ADAMTS18: variants seen among roughly 807,000 people sequenced by gnomAD.
ADAMTS18 encodes the protein ADAM metallopeptidase with thrombospondin type 1 motif 18, also known as A disintegrin and metalloproteinase with thrombospondin motifs 18.
A neutral mutation model predicts 165.9 loss-of-function variants in ADAMTS18; 157 were observed. That is an observed-to-expected ratio of 0.95 (90% CI 0.83 to 1.08). ADAMTS18 has a LOEUF of 1.08. ADAMTS18 is among the 50% of genes least tolerant of loss of function. The pLI is 0.00. For synonymous variants in ADAMTS18, 782 were observed against 578.2 expected, an observed-to-expected ratio of 1.35 and a Z score of -5.06; for missense variants, 2,040 against 1,534.0, an observed-to-expected ratio of 1.33 and a Z score of -5.51.
At chr16:77,315,565 T>A (rs2055872212) in intron 16 of ADAMTS18, among the ~76,000 whole-genome samples, 1 of 152,170 alleles carries the variant, frequency 6.6e-6, no homozygotes. Flanking sequence ...TGCATCTATA[T>A]ACAAATTCCA....
At chr16:77,320,152 T>A in intron 15 of ADAMTS18, 59 bp from the exon 16 acceptor site, 2 of 1,604,840 alleles carry the variant, frequency 1.2e-6, no homozygotes, top group Non-Finnish European at 1.7e-6. Context: ...GAAAAGGGAC[T>A]AGAAATGGCC....
intron 12 of ADAMTS18, among the ~76,000 whole-genome samples, chr16:77,328,596 A>G (rs1312078243): frequency 6.6e-6 from 1 of 152,226 alleles, no homozygotes; most frequent in African/African-American, 2.4e-5. Flanking sequence ...AAATCCCTGA[A>G]GACTTCTTAA....
intron 3 of ADAMTS18, among the ~76,000 whole-genome samples, chr16:77,403,582 T>C (rs1044557776): frequency 6.6e-6 from 1 of 152,236 alleles, no homozygotes; most frequent in African/African-American, 2.4e-5. Flanking sequence ...TGAATATCTC[T>C]GCCCCTCTGC....
At chr16:77,405,306 C>T (rs946057795) in intron 3 of ADAMTS18, among the ~76,000 whole-genome samples, 1 of 152,170 alleles carries the variant, frequency 6.6e-6, no homozygotes, top group African/African-American at 2.4e-5. Context: ...TTCAATACCT[C>T]GAGCACCTTT....
chr16:77,409,791 T>C (rs915818817), intron 3 of ADAMTS18, among the ~76,000 whole-genome samples: 4 of 152,166 alleles, frequency 2.6e-5, no homozygotes, highest in South Asian at 2.1e-4. Flanking sequence ...AAATGCTTAA[T>C]AGAAATCTTT....
At chr16:77,399,500 G>A (rs1013075949) in intron 3 of ADAMTS18, among the ~76,000 whole-genome samples, 1 of 152,166 alleles carries the variant, frequency 6.6e-6, no homozygotes, top group Non-Finnish European at 1.5e-5. Flanking sequence ...CCCTACCCTA[G>A]AAGATAAAAC....
At chr16:77,290,890 G>T (rs189509400) in intron 21 of ADAMTS18, 3 of 344,778 alleles carry the variant, frequency 8.7e-6, no homozygotes, top group Non-Finnish European at 1.7e-5. Flanking sequence ...GAAACATGAT[G>T]TAAGAACCAA....
At position 77,299,570 on chromosome 16, in the gene ADAMTS18, A is replaced by G. The variant is rs556721113; in HGVS notation, c.2674+693T>C. On this transcript the variant is annotated intron_variant, in intron 17 of 22. Transcript: ENST00000282849. ...GGTGCTCTGAATAATAGGAAATGAG[A>G]GACCAACATTCATGCTGTGGTTTCA... Among the ~76,000 whole-genome samples the G allele has an allele frequency of 2.7e-4, 41 of 152,322 alleles. No homozygotes were observed. The South Asian group carries it at 8.5e-3, about 32-fold the overall frequency.
At position 77,300,334 on chromosome 16, in the gene ADAMTS18, G is replaced by T. The variant is rs775836048; in HGVS notation, c.2603C>A (p.Pro868Gln). 1.2e-6 allele frequency: 2 copies of T among 1,614,030 alleles called. No individual in the cohort carries two copies. The highest frequency in any genetic ancestry group is 3.3e-5 in the Admixed American group (2 of 60,018). Reference protein sequence around the residue: ...YALPKVMNGTPPATKRPAYTW... With the variant: ...YALPKVMNGTQPATKRPAYTW... ...ATAGGCAGGTCTTTTTGTGGCTGGT[G>T]GAGTTCCATTCATGACCTTGGGAAG... The change falls in exon 17 of 23, where the codon CCA (proline) becomes CAA (glutamine). Residue 868 changes from proline (P) to glutamine (Q), a missense_variant. Pro to Gln is a moderately conservative substitution (Grantham distance 76). Coordinates refer to ENST00000282849, the MANE Select transcript of ADAMTS18 (RefSeq NM_199355.4).
At chr16:77,356,138 C>A (rs1342765262) in intron 8 of ADAMTS18, 61 bp from the exon 9 acceptor site, 1 of 1,607,252 alleles carries the variant, frequency 6.2e-7, no homozygotes, top group African/African-American at 1.3e-5. Context: ...GAAGGATAAT[C>A]TGAGGAAGAA....
At chr16:77,401,626 G>T (rs1276751382) in intron 3 of ADAMTS18, among the ~76,000 whole-genome samples, 2 of 152,124 alleles carry the variant, frequency 1.3e-5, no homozygotes, top group Non-Finnish European at 2.9e-5. Context: ...CTGGGCTAAG[G>T]GATTCTCAGA....
At chr16:77,314,532 G>C (rs1027408777) in intron 16 of ADAMTS18, among the ~76,000 whole-genome samples, 26 of 149,668 alleles carry the variant, frequency 1.7e-4, no homozygotes, top group African/African-American at 6.4e-4. Context: ...GAATCGCTTG[G>C]ACCCAGTAGG....
chr16:77,340,132 T>C (rs979530403), intron 11 of ADAMTS18, among the ~76,000 whole-genome samples: 1 of 152,200 alleles, frequency 6.6e-6, no homozygotes, highest in Non-Finnish European at 1.5e-5. Flanking sequence ...GAGAATTAGT[T>C]ATTTCCTTCT....
chr16:77,317,418 G>C (rs565880052), intron 16 of ADAMTS18, among the ~76,000 whole-genome samples: 21 of 152,058 alleles, frequency 1.4e-4, no homozygotes, highest in African/African-American at 5.1e-4. Flanking sequence ...ACTGCAACCT[G>C]TGCCTCCCAG....
chr16:77,334,427 T>C (rs1351769941), intron 12 of ADAMTS18, among the ~76,000 whole-genome samples: 2 of 112,956 alleles, frequency 1.8e-5, no homozygotes, highest in East Asian at 5.0e-4. Flanking sequence ...ATATAGTATA[T>C]ATACTGTATA....
At position 77,319,248 on chromosome 16, in the gene ADAMTS18, G is replaced by A. The variant is rs1462390611; in HGVS notation, c.2532+601C>T. 2.0e-5 allele frequency among the ~76,000 whole-genome samples: 3 copies of A among 152,070 alleles called. No homozygotes were observed. The South Asian group carries it at 6.2e-4, about 31-fold the overall frequency. Reference sequence around the variant, plus strand: ...CCAAATGGCAGACATAGACAAACCAGCATAATATAAAAAGTATTCTTGCTA... The same window carrying A: ...CCAAATGGCAGACATAGACAAACCAACATAATATAAAAAGTATTCTTGCTA... On this transcript the variant is annotated intron_variant, in intron 16 of 22. Transcript: ENST00000282849.
Position 77,434,303 on chromosome 16 carries a change from C to T in ADAMTS18, c.178+115G>A, listed in dbSNP as rs1038067249. 4 of 1,229,096 alleles carry T rather than the reference C, an allele frequency of 3.3e-6. No individual in the cohort carries two copies. In the African/African-American group the frequency reaches 6.0e-5, roughly 18 times the overall value. 76.1% of individuals were successfully genotyped at this position (1,229,096 alleles called of 1,614,324 possible). A position where few individuals can be genotyped will look rare whatever the true frequency, so the allele number is the denominator to read the frequency against. ...CTCCAAACAGGAACCATTTCCAAGA[C>T]AGCGCACACCTGCCAGGTTAGGGGG... On this transcript the variant is annotated intron_variant, in intron 2 of 22. Transcript: ENST00000282849.
intron 3 of ADAMTS18, chr16:77,378,806 T>C (rs1285682864): frequency 1.3e-5 from 2 of 152,198 alleles, no homozygotes; most frequent in African/African-American, 4.8e-5. Flanking sequence ...TCATTATGAT[T>C]ATTACATTTG....
In ADAMTS18 at chr16:77,320,076, G is replaced by T. The variant is rs9930984; in HGVS notation, c.2305C>A (p.Leu769Ile). The T allele has an allele frequency of 0.44, 705,618 of 1,613,458 alleles. 166,153 individuals carry two copies. The highest frequency in any genetic ancestry group is 0.89 in the East Asian group (39,828 of 44,832). The part of the protein sequence containing the change: ...HKANEYYPVV[L>I]IPAGARSIEI... ...ATGCTTCGGGCGCCAGCTGGAATGAGGACCACCGGATAATATTCTAAATGG... is the reference window on the plus strand; with the variant it reads ...ATGCTTCGGGCGCCAGCTGGAATGATGACCACCGGATAATATTCTAAATGG... The change falls in exon 16 of 23, where the codon CTC becomes ATC. Residue 769 changes from leucine to isoleucine, a missense_variant. Transcript: ENST00000282849.
Sources: gnomAD v4.1 joint callset for allele counts (sites outside exome capture counted in the v4.1 genomes callset) on GRCh38, gnomAD v4.1.1 for gene constraint, MANE v1.5 for transcripts, NCBI Gene and HGNC (gene_info 2026-07-23, HGNC 2026-07-21) for gene names.